SEMA3D: variants seen among roughly 807,000 people sequenced by gnomAD.
The protein encoded by SEMA3D is semaphorin-3D.
Under a neutral mutation model 100.1 loss-of-function variants are expected in SEMA3D, and 84 were observed. The ratio of observed to expected loss-of-function variants is 0.84; its 90% confidence interval spans 0.70 to 1.01. The LOEUF (loss-of-function observed/expected upper bound fraction) is 1.01, where lower values mean the gene tolerates loss of function less well. SEMA3D is among the 50% of genes least tolerant of loss of function. The pLI is 0.00. For synonymous variants in SEMA3D, 312 were observed against 320.7 expected (o/e 0.97, Z 0.29); for missense variants, 875 against 934.1 (o/e 0.94, Z 0.82).
Position 85,078,767 on chromosome 7 carries a change from T to C in SEMA3D, c.375+2750A>G, listed in dbSNP as rs144728405. On this transcript the variant is annotated intron_variant, in intron 5 of 18. Coordinates refer to ENST00000284136, the MANE Select transcript of SEMA3D (RefSeq NM_001384900.1). ...AATAATTCACTGTTTTGCAGTTACATAGTACCTTTGTGTAAAGGGACAGTC... is the reference window on the plus strand; with the variant it reads ...AATAATTCACTGTTTTGCAGTTACACAGTACCTTTGTGTAAAGGGACAGTC... Among the ~76,000 whole-genome samples, 177 of 152,304 alleles carry C rather than the reference T, an allele frequency of 1.2e-3. 3 individuals carry two copies. The East Asian group carries it at 0.031, about 26-fold the overall frequency.
chr7:84,999,647 T>C lies in SEMA3D; in HGVS notation c.2127A>G (p.Ser709=), dbSNP rs752267559. 15 of 1,614,086 alleles carry C rather than the reference T, an allele frequency of 9.3e-6. No homozygotes were observed. The highest frequency in any genetic ancestry group is 1.6e-4 in the Middle Eastern group (1 of 6,062). The change falls in exon 19 of 19, where the codon TCA becomes TCG. Residue 709 remains serine, a synonymous_variant. Coordinates refer to ENST00000284136, the MANE Select transcript of SEMA3D (RefSeq NM_001384900.1). ...GGATGTAGTCTTTGTATCTCAACCG[T>C]GACTCAGCCAATAGATCCTTGACCT... ...EGKVKDLLAE[S]RLRYKDYIQI... is the part of the protein sequence containing the mutation.
intron 4 of SEMA3D, among the ~76,000 whole-genome samples, chr7:85,087,383 T>C (rs1427665863): frequency 6.6e-6 from 1 of 152,208 alleles, no homozygotes. Context: ...AGAGCCTTGA[T>C]ATCAAGGACT....
intron 3 of SEMA3D, among the ~76,000 whole-genome samples, chr7:85,115,291 A>C (rs180922490): frequency 2.6e-5 from 4 of 152,256 alleles, no homozygotes; most frequent in African/African-American, 9.6e-5. Flanking sequence ...CAAACTGCTC[A>C]ATCTCTCAGT....
chr7:85,161,351 A>G (rs1790738910), intron 1 of SEMA3D, among the ~76,000 whole-genome samples: 1 of 148,992 alleles, frequency 6.7e-6, no homozygotes, highest in Non-Finnish European at 1.5e-5. Context: ...AATCACTCAC[A>G]TAATTAGCAA....
intron 1 of SEMA3D, among the ~76,000 whole-genome samples, chr7:85,162,423 C>T (rs539214639): frequency 5.3e-4 from 80 of 152,168 alleles, no homozygotes; most frequent in Middle Eastern, 6.8e-3. Flanking sequence ...AAGCAGGTGA[C>T]GTAGATCAGG....
At chr7:85,012,243 A>G (rs1191224105) in intron 17 of SEMA3D, among the ~76,000 whole-genome samples, 1 of 151,796 alleles carries the variant, frequency 6.6e-6, no homozygotes, top group Non-Finnish European at 1.5e-5. Flanking sequence ...AAGATTCATA[A>G]GCTCTCTAAG....
chr7:85,048,528 G>C (rs1454968134), intron 9 of SEMA3D, among the ~76,000 whole-genome samples: 2 of 151,788 alleles, frequency 1.3e-5, no homozygotes, highest in African/African-American at 4.8e-5. Context: ...ATATTGTGAA[G>C]ATCTTAAATG....
Position 85,049,692 on chromosome 7 carries a change from C to T in SEMA3D, c.861+6025G>A, listed in dbSNP as rs375478411. On this transcript the variant is annotated intron_variant, in intron 9 of 18. Transcript: ENST00000284136. ...ACAGCTCAACAGAGATCAATAAATA[C>T]GGAAAGTGTCATCGGCCTAAAAACA... 7.9e-5 allele frequency among the ~76,000 whole-genome samples: 12 copies of T among 151,824 alleles called. No individual in the cohort carries two copies. In the East Asian group the frequency reaches 9.7e-4, roughly 12 times the overall value.
At chr7:85,012,420 T>C (rs1260457901) in intron 17 of SEMA3D, among the ~76,000 whole-genome samples, 2 of 151,854 alleles carry the variant, frequency 1.3e-5, no homozygotes, top group Non-Finnish European at 1.5e-5. Context: ...ACCAGACTTC[T>C]GGGAGGTCTA....
intron 1 of SEMA3D, among the ~76,000 whole-genome samples, chr7:85,183,613 C>A (rs1791460298): frequency 6.6e-6 from 1 of 152,152 alleles, no homozygotes; most frequent in South Asian, 2.1e-4. Flanking sequence ...TGTATTTTTC[C>A]TCTGCAAAAT....
the SEMA3D span, among the ~76,000 whole-genome samples, chr7:85,216,667 CTAA>C: frequency 6.6e-6 from 1 of 151,080 alleles, no homozygotes; most frequent in Non-Finnish European, 1.5e-5. Flanking sequence ...GTTATCAGTG[CTAA>C]TAATGTTAAC....
At chr7:85,018,912 A>T (rs550048794) in intron 14 of SEMA3D, among the ~76,000 whole-genome samples, 1 of 151,682 alleles carries the variant, frequency 6.6e-6, no homozygotes, top group Non-Finnish European at 1.5e-5. Context: ...GGCTTAAAAA[A>T]TTTTCCATCT....
chr7:85,175,086 G>A (rs1246696443), intron 1 of SEMA3D, among the ~76,000 whole-genome samples: 1 of 152,152 alleles, frequency 6.6e-6, no homozygotes, highest in African/African-American at 2.4e-5. Flanking sequence ...ATTGTTCATT[G>A]ACATGGAGAT....
At chr7:85,234,484 T>C in the SEMA3D span, among the ~76,000 whole-genome samples, 1 of 152,178 alleles carries the variant, frequency 6.6e-6, no homozygotes, top group African/African-American at 2.4e-5. Flanking sequence ...TCAGTGGTCC[T>C]ATTGCAAATG....
chr7:85,142,389 TA>T, intron 2 of SEMA3D: 1 of 896,170 alleles, frequency 1.1e-6, no homozygotes, highest in Non-Finnish European at 1.3e-6. Context: ...CATGAAATTA[TA>T]ACCTTATTTA....
At chr7:85,031,343 T>A (rs1220631827) in intron 12 of SEMA3D, among the ~76,000 whole-genome samples, 1 of 151,992 alleles carries the variant, frequency 6.6e-6, no homozygotes, top group East Asian at 1.9e-4. Context: ...TTAACTTAAG[T>A]GTAATATGGC....
chr7:85,180,397 C>T (rs1170741846), intron 1 of SEMA3D, among the ~76,000 whole-genome samples: 3 of 152,182 alleles, frequency 2.0e-5, no homozygotes, highest in Non-Finnish European at 2.9e-5. Flanking sequence ...AACCTCTTTC[C>T]TTTATAAATT....
At chr7:85,183,653 T>C (rs1304734643) in intron 1 of SEMA3D, among the ~76,000 whole-genome samples, 2 of 152,250 alleles carry the variant, frequency 1.3e-5, no homozygotes, top group African/African-American at 4.8e-5. Context: ...AAGACTTACC[T>C]ATGAAGGCAA....
At chr7:85,147,087 C>CTTTTTTTTTTT (rs1583966727) in intron 2 of SEMA3D, among the ~76,000 whole-genome samples, 2 of 55,754 alleles carry the variant, frequency 3.6e-5, no homozygotes, top group African/African-American at 9.1e-5. Flanking sequence ...TTTTCTTTTT[C>CTTTTTTTTTTT]TTTTCTTTTT....
Sources: allele counts gnomAD v4.1 joint callset (sites outside exome capture counted in the v4.1 genomes callset), GRCh38; gene constraint gnomAD v4.1.1; transcripts MANE v1.5; gene names NCBI Gene and HGNC (gene_info 2026-07-23, HGNC 2026-07-21).